The following DCLK1 variants were observed in gnomAD, a reference collection of about 807,000 sequenced individuals.
The protein encoded by DCLK1 is serine/threonine-protein kinase DCLK1.
In DCLK1, 16 loss-of-function variants were observed where a neutral mutation model predicts 86.2. The observed-to-expected ratio is 0.19, with a 90% CI of 0.13 to 0.28. The LOEUF is 0.28. Ranked by LOEUF, DCLK1 falls within the 10% of genes least tolerant of loss-of-function variation. DCLK1 has a pLI of 1.00. For synonymous variants in DCLK1, 369 were observed against 370.5 expected, an observed-to-expected ratio of 1.00 and a Z score of 0.05; for missense variants, 590 against 940.2, an observed-to-expected ratio of 0.63 and a Z score of 4.87.
intron 4 of DCLK1, among the ~76,000 whole-genome samples, chr13:35,920,317 G>A (rs770607572): frequency 2.0e-5 from 3 of 152,182 alleles, no homozygotes; most frequent in South Asian, 2.1e-4. Context: ...ATAGCATCAC[G>A]GAAGGGACTA....
At chr13:35,850,717 C>G (rs752141706) in intron 6 of DCLK1, 1 of 1,600,616 alleles carries the variant, frequency 6.2e-7, no homozygotes, top group East Asian at 2.3e-5. Flanking sequence ...TCCATTGTTT[C>G]TTTTACACTG....
At chr13:35,797,704 G>T (rs566606048) in intron 15 of DCLK1, among the ~76,000 whole-genome samples, 2 of 151,964 alleles carry the variant, frequency 1.3e-5, no homozygotes, top group Non-Finnish European at 2.9e-5. Flanking sequence ...GAAAAAGTCT[G>T]CAGTGTTTTT....
intron 4 of DCLK1, among the ~76,000 whole-genome samples, chr13:35,917,511 A>T (rs984203986): frequency 1.3e-5 from 2 of 152,166 alleles, no homozygotes; most frequent in African/African-American, 4.8e-5. Flanking sequence ...CTCTAAACAC[A>T]GAACACCTGG....
At chr13:36,120,068 G>A (rs1365671985) in intron 2 of DCLK1, among the ~76,000 whole-genome samples, 1 of 152,080 alleles carries the variant, frequency 6.6e-6, no homozygotes, top group African/African-American at 2.4e-5. Flanking sequence ...CTGAATCCCT[G>A]TCTCACATAT....
At chr13:35,826,876 C>G (rs939057106) in intron 10 of DCLK1, among the ~76,000 whole-genome samples, 1 of 152,148 alleles carries the variant, frequency 6.6e-6, no homozygotes, top group Non-Finnish European at 1.5e-5. Flanking sequence ...TTACAACATT[C>G]TCCAACTAAG....
At chr13:35,818,102 T>C (rs2087310945) in intron 11 of DCLK1, among the ~76,000 whole-genome samples, 1 of 152,182 alleles carries the variant, frequency 6.6e-6, no homozygotes, top group Admixed American at 6.5e-5. Flanking sequence ...AGAAGATCAC[T>C]GGCTCCCTTC....
chr13:36,025,912 A>C (rs1489800670), intron 3 of DCLK1, among the ~76,000 whole-genome samples: 1 of 152,198 alleles, frequency 6.6e-6, no homozygotes, highest in Non-Finnish European at 1.5e-5. Flanking sequence ...TAACTGCAAC[A>C]ATTTACGTAT....
At chr13:35,904,302 G>A (rs145820136) in intron 4 of DCLK1, among the ~76,000 whole-genome samples, 12 of 152,184 alleles carry the variant, frequency 7.9e-5, no homozygotes, top group Admixed American at 3.3e-4. Context: ...TGCAATCTCC[G>A]CCTCCTGGGT....
intron 3 of DCLK1, among the ~76,000 whole-genome samples, chr13:36,083,537 G>A (rs917259519): frequency 7.9e-5 from 12 of 152,110 alleles, no homozygotes; most frequent in Admixed American, 4.6e-4. Flanking sequence ...CAAAACATAG[G>A]TACTGTAAAT....
intron 16 of DCLK1, among the ~76,000 whole-genome samples, chr13:35,777,869 T>C (rs1456498252): frequency 6.6e-6 from 1 of 152,212 alleles, no homozygotes; most frequent in Non-Finnish European, 1.5e-5. Context: ...AGGAACTTCT[T>C]CCTTCTCTGT....
chr13:35,952,077 G>A lies in DCLK1; in HGVS notation c.724-4620C>T, dbSNP rs543389677. 2.3e-3 allele frequency among the ~76,000 whole-genome samples: 353 copies of A among 152,190 alleles called. 3 individuals carry two copies. The highest frequency in any genetic ancestry group is 3.8e-3 in the Non-Finnish European group (260 of 67,998). On this transcript the variant is annotated intron_variant, in intron 3 of 16. Coordinates refer to ENST00000360631, the MANE Select transcript of DCLK1 (RefSeq NM_001330071.2). ...CAGTTGTTTCAAGATGAGTTAAGAC[G>A]ATGAATCCAAAGAGAATAAGTCCTC... is the stretch of plus-strand genomic sequence containing the variant.
chr13:36,006,808 T>C (rs1880986574), intron 3 of DCLK1, among the ~76,000 whole-genome samples: 1 of 152,198 alleles, frequency 6.6e-6, no homozygotes, highest in Non-Finnish European at 1.5e-5. Context: ...CCCAGTCAAG[T>C]AACTTACAGG....
intron 3 of DCLK1, among the ~76,000 whole-genome samples, chr13:35,998,712 G>T (rs566025294): frequency 6.6e-6 from 1 of 152,210 alleles, no homozygotes; most frequent in South Asian, 2.1e-4. Flanking sequence ...ATGGTATTGT[G>T]ATTATGCTTT....
At chr13:35,863,757 G>T (rs1167730320) in intron 5 of DCLK1, among the ~76,000 whole-genome samples, 1 of 152,324 alleles carries the variant, frequency 6.6e-6, no homozygotes, top group South Asian at 2.1e-4. Flanking sequence ...GCCTTTGAAG[G>T]TGTTTGATAT....
chr13:36,053,716 G>C (rs1883203384), intron 3 of DCLK1, among the ~76,000 whole-genome samples: 1 of 151,990 alleles, frequency 6.6e-6, no homozygotes, highest in African/African-American at 2.4e-5. Context: ...GCTGCCGGGT[G>C]GGGGGCAGGT....
At chr13:36,121,642 T>C (rs1272798917) in intron 2 of DCLK1, among the ~76,000 whole-genome samples, 1 of 152,212 alleles carries the variant, frequency 6.6e-6, no homozygotes, top group Non-Finnish European at 1.5e-5. Context: ...ATACATACCT[T>C]TATCATAGGT....
rs185094223 is a variant in DCLK1, at chr13:35,862,231, C to T, written c.941-7638G>A. Among the ~76,000 whole-genome samples the T allele has an allele frequency of 8.5e-5, 12 of 141,992 alleles. No individual in the cohort carries two copies. The Admixed American group carries it at 8.6e-4, about 10-fold the overall frequency. The allele number at this position is 141,992 out of a possible 152,430, so 93.2% of individuals were successfully genotyped here. A position where few individuals can be genotyped will look rare whatever the true frequency, so the allele number is the denominator to read the frequency against. ...CCTGACTTAGAACAGTTATTTATTT[C>T]CAATTGCTTACAGACATTTCCAAAT... is the stretch of plus-strand genomic sequence containing the variant. On this transcript the variant is annotated intron_variant, in intron 5 of 16. Coordinates refer to ENST00000360631, the MANE Select transcript of DCLK1 (RefSeq NM_001330071.2).
At chr13:36,040,769 A>G (rs1162211150) in intron 3 of DCLK1, among the ~76,000 whole-genome samples, 1 of 151,928 alleles carries the variant, frequency 6.6e-6, no homozygotes, top group Non-Finnish European at 1.5e-5. Flanking sequence ...TACCTATTCA[A>G]TCTATTTATA....
chr13:35,934,996 A>T (rs1876677565), intron 4 of DCLK1, among the ~76,000 whole-genome samples: 1 of 152,186 alleles, frequency 6.6e-6, no homozygotes, highest in African/African-American at 2.4e-5. Flanking sequence ...AACTGATTGA[A>T]ACCAAGTAGA....
Sources: allele counts gnomAD v4.1 joint callset (sites outside exome capture counted in the v4.1 genomes callset), GRCh38; gene constraint gnomAD v4.1.1; transcripts MANE v1.5; gene names NCBI Gene and HGNC (gene_info 2026-07-23, HGNC 2026-07-21).